B4GALT5: variants seen among roughly 807,000 people sequenced by gnomAD.
The protein encoded by B4GALT5 is UDP-Gal:beta-GlcNAc beta-1,4-galactosyltransferase 5.
A neutral mutation model predicts 45.0 loss-of-function variants in B4GALT5; 11 were observed. The observed-to-expected ratio is 0.24, with a 90% confidence interval of 0.15 to 0.40. The LOEUF (loss-of-function observed/expected upper bound fraction) is 0.40. B4GALT5 is among the 10% of genes least tolerant of loss of function. The probability of loss-of-function intolerance (pLI) is 1.00; values close to 1 mark genes in which losing one functional copy is unlikely to be tolerated. For missense variants in B4GALT5, 337 were observed against 500.2 expected (o/e 0.67, Z 3.11); for synonymous variants, 185 against 182.9 (o/e 1.01, Z -0.09).
intron 1 of B4GALT5, among the ~76,000 whole-genome samples, chr20:49,672,139 G>T (rs746949410): frequency 6.6e-6 from 1 of 152,042 alleles, no homozygotes; most frequent in Non-Finnish European, 1.5e-5. Context: ...TCTCCCTCCT[G>T]ATTCTCTTTT....
chr20:49,669,006 C>T (rs1201247760), intron 1 of B4GALT5, among the ~76,000 whole-genome samples: 2 of 151,532 alleles, frequency 1.3e-5, no homozygotes, highest in Non-Finnish European at 2.9e-5. Flanking sequence ...GGACCACAGG[C>T]GTACACCACC....
intron 1 of B4GALT5, among the ~76,000 whole-genome samples, chr20:49,665,050 A>C (rs2085683334): frequency 6.6e-6 from 1 of 152,134 alleles, no homozygotes; most frequent in East Asian, 1.9e-4. Context: ...GCTGGACTTC[A>C]AGCTTTCTCC....
rs1600563493 is a variant in B4GALT5, at chr20:49,713,523, G to C, written c.115+53C>G. 5.3e-6 allele frequency: 8 copies of C among 1,522,586 alleles called. No individual in the cohort carries two copies. The South Asian group carries it at 7.2e-5, about 14-fold the overall frequency. 94.3% of individuals were successfully genotyped at this position (1,522,586 alleles called of 1,614,324 possible). A position where few individuals can be genotyped will look rare whatever the true frequency, so the allele number is the denominator to read the frequency against. On this transcript the variant is annotated intron_variant, in intron 1 of 8. Transcript: ENST00000371711. ...CCTTAGGGAGGGGCGGGGATTCCCC[G>C]GGTCCCTCAAGGCCAGAGCGGCAGC...
At chr20:49,666,677 A>AT (rs2085692083) in intron 1 of B4GALT5, among the ~76,000 whole-genome samples, 1 of 152,236 alleles carries the variant, frequency 6.6e-6, no homozygotes, top group Non-Finnish European at 1.5e-5. Context: ...AAATACACAG[A>AT]TAAGACACAA....
Position 49,639,743 on chromosome 20 carries a change from C to T in B4GALT5, c.852G>A (p.Arg284=). The change falls in exon 7 of 9, where the codon CGG becomes CGA. Residue 284 remains arginine, a synonymous_variant. Transcript: ENST00000371711. Reference sequence around the variant, plus strand: ...AAGCATTAGGAAAGCCATTGATTTTCCGAAATTGTTCCACTGTTAAGCCAC... The same window carrying T: ...AAGCATTAGGAAAGCCATTGATTTTTCGAAATTGTTCCACTGTTAAGCCAC... The part of the protein sequence containing the change: ...GVSGLTVEQF[R]KINGFPNAFW... 1 of 1,613,774 alleles carries T rather than the reference C, an allele frequency of 6.2e-7. No homozygotes were observed. The highest frequency in any genetic ancestry group is 8.5e-7 in the Non-Finnish European group (1 of 1,179,768).
chr20:49,647,655 A>C (rs1308270589), intron 2 of B4GALT5, among the ~76,000 whole-genome samples: 1 of 152,216 alleles, frequency 6.6e-6, no homozygotes, highest in African/African-American at 2.4e-5. Context: ...GTCGCTGAGA[A>C]ATGTGGAAAG....
intron 1 of B4GALT5, among the ~76,000 whole-genome samples, chr20:49,692,781 ATAATG>A (rs1399220753): frequency 6.6e-6 from 1 of 152,216 alleles, no homozygotes; most frequent in African/African-American, 2.4e-5. Context: ...AACTGTACAT[ATAATG>A]TAAGTTCAAT....
chr20:49,656,194 C>T lies in B4GALT5; in HGVS notation c.250+374G>A, dbSNP rs927058843. On this transcript the variant is annotated intron_variant, in intron 2 of 8. Coordinates refer to ENST00000371711, the MANE Select transcript of B4GALT5 (RefSeq NM_004776.4). ...CCTCCTCTCACCTGCCACATTGCTT[C>T]CTCTCACCATACACACAGGCTTCCC... Among the ~76,000 whole-genome samples, 9 of 152,258 alleles carry T rather than the reference C, an allele frequency of 5.9e-5. No individual in the cohort carries two copies. The East Asian group carries it at 1.4e-3, about 23-fold the overall frequency.
intron 1 of B4GALT5, among the ~76,000 whole-genome samples, chr20:49,680,800 C>A (rs746380818): frequency 1.3e-5 from 2 of 150,050 alleles, no homozygotes; most frequent in African/African-American, 4.9e-5. Context: ...TTTTTTTTTC[C>A]GTAAAGTGAA....
chr20:49,660,383 C>T (rs1209792390), intron 1 of B4GALT5, among the ~76,000 whole-genome samples: 2 of 152,176 alleles, frequency 1.3e-5, no homozygotes, highest in Non-Finnish European at 2.9e-5. Context: ...AGTTATTTAG[C>T]CTGCCATTTC....
intron 8 of B4GALT5, among the ~76,000 whole-genome samples, chr20:49,636,935 C>CACACACACA (rs1174696775): frequency 6.6e-6 from 1 of 151,624 alleles, no homozygotes; most frequent in Non-Finnish European, 1.5e-5. Context: ...CACACACACA[C>CACACACACA]AAAGAAAGAA....
At chr20:49,680,467 AC>A (rs927896561) in intron 1 of B4GALT5, among the ~76,000 whole-genome samples, 25 of 152,370 alleles carry the variant, frequency 1.6e-4, no homozygotes, top group African/African-American at 5.1e-4. Flanking sequence ...ACATAGATGA[AC>A]CTTGAAAACA....
intron 1 of B4GALT5, among the ~76,000 whole-genome samples, chr20:49,680,714 G>T (rs1407458410): frequency 1.3e-5 from 2 of 152,104 alleles, no homozygotes; most frequent in Non-Finnish European, 2.9e-5. Flanking sequence ...GAAACGAATA[G>T]TAGTAATGGT....
chr20:49,687,057 T>C (rs1440614718), intron 1 of B4GALT5, among the ~76,000 whole-genome samples: 1 of 152,146 alleles, frequency 6.6e-6, no homozygotes, highest in Non-Finnish European at 1.5e-5. Context: ...AGGGGTGCTT[T>C]TGCTTCCCAG....
intron 1 of B4GALT5, among the ~76,000 whole-genome samples, chr20:49,675,499 G>A (rs1017541593): frequency 1.3e-5 from 2 of 152,064 alleles, no homozygotes; most frequent in East Asian, 3.8e-4. Context: ...TTCCCACCAC[G>A]CCCAACAACA....
At chr20:49,666,788 A>G (rs559908253) in intron 1 of B4GALT5, among the ~76,000 whole-genome samples, 3 of 152,348 alleles carry the variant, frequency 2.0e-5, no homozygotes, top group Non-Finnish European at 4.4e-5. Flanking sequence ...TTAGACCAAT[A>G]TTTTGTGGAA....
rs2122985064 is a variant in B4GALT5 at position 49,634,268 on chromosome 20, C to T, written c.*2044G>A. ...TGTGGGGATCATATGTCCACAGAAC[C>T]ATCACATGCAACGAAAAAAGCCCTA... On this transcript the variant is annotated 3_prime_UTR_variant, in exon 9 of 9. Transcript: ENST00000371711. 1 of 152,492 alleles carries T rather than the reference C, an allele frequency of 6.6e-6. No homozygotes were observed. The highest frequency in any genetic ancestry group is 6.6e-5 in the Admixed American group (1 of 15,256). The allele number at this position is 152,492 out of a possible 1,614,324, so 9.4% of individuals were successfully genotyped here.
At chr20:49,677,748 T>C (rs1449804258) in intron 1 of B4GALT5, among the ~76,000 whole-genome samples, 1 of 152,178 alleles carries the variant, frequency 6.6e-6, no homozygotes, top group Non-Finnish European at 1.5e-5. Context: ...ATTGATTGAT[T>C]GATTGATTGA....
At chr20:49,671,569 A>G (rs1262708450) in intron 1 of B4GALT5, among the ~76,000 whole-genome samples, 3 of 152,216 alleles carry the variant, frequency 2.0e-5, no homozygotes, top group Non-Finnish European at 2.9e-5. Context: ...GAAATCACTT[A>G]TCAAGATGTT....
Sources: allele counts gnomAD v4.1 joint callset (sites outside exome capture counted in the v4.1 genomes callset), GRCh38; gene constraint gnomAD v4.1.1; transcripts MANE v1.5; gene names NCBI Gene and HGNC (gene_info 2026-07-23, HGNC 2026-07-21).